CTNNA3: variants seen among roughly 807,000 people sequenced by gnomAD.
CTNNA3 encodes the protein catenin alpha-3.
CTNNA3 carries 76 observed loss-of-function variants against 95.7 expected under a neutral mutation model. The ratio of observed to expected loss-of-function variants is 0.79; its 90% CI spans 0.66 to 0.96. The LOEUF (loss-of-function observed/expected upper bound fraction) is 0.96. Among genes scored for constraint, CTNNA3 ranks in the 40% least tolerant of loss-of-function variants. The pLI is 0.00. For synonymous variants in CTNNA3, 431 were observed against 374.4 expected (o/e 1.15, Z -1.74); for missense variants, 1,191 against 1,089.8 (o/e 1.09, Z -1.31).
At chr10:66,516,440 G>T (rs368792737) in intron 11 of CTNNA3, among the ~76,000 whole-genome samples, 32 of 152,182 alleles carry the variant, frequency 2.1e-4, no homozygotes, top group African/African-American at 7.0e-4. Flanking sequence ...TAGTAATAAA[G>T]GTTAAATTGT....
intron 7 of CTNNA3, among the ~76,000 whole-genome samples, chr10:66,820,910 G>T (rs1039573594): frequency 2.6e-5 from 4 of 151,912 alleles, no homozygotes; most frequent in African/African-American, 9.7e-5. Flanking sequence ...AGCTCCCTCT[G>T]GTATATACAA....
At chr10:67,344,855 T>C (rs1043314948) in intron 5 of CTNNA3, among the ~76,000 whole-genome samples, 3 of 152,016 alleles carry the variant, frequency 2.0e-5, no homozygotes, top group Non-Finnish European at 4.4e-5. Context: ...TCTGCTCTAA[T>C]CTTTATTTAT....
chr10:66,036,319 C>G (rs948633737), intron 15 of CTNNA3, among the ~76,000 whole-genome samples: 2 of 152,148 alleles, frequency 1.3e-5, no homozygotes, highest in African/African-American at 4.8e-5. Flanking sequence ...CAGTAAGTCT[C>G]TAGACGGCGA....
At chr10:66,288,512 G>A (rs937884776) in intron 12 of CTNNA3, among the ~76,000 whole-genome samples, 1 of 152,054 alleles carries the variant, frequency 6.6e-6, no homozygotes, top group Non-Finnish European at 1.5e-5. Flanking sequence ...TTCTAAAGTT[G>A]TGTTGTTTAA....
intron 5 of CTNNA3, among the ~76,000 whole-genome samples, chr10:67,368,922 G>T (rs1843313643): frequency 6.6e-6 from 1 of 152,100 alleles, no homozygotes; most frequent in Non-Finnish European, 1.5e-5. Flanking sequence ...TTTAGGGAGA[G>T]ATTGGTACAT....
At chr10:66,241,467 T>G (rs2090102600) in intron 13 of CTNNA3, among the ~76,000 whole-genome samples, 1 of 152,174 alleles carries the variant, frequency 6.6e-6, no homozygotes, top group Admixed American at 6.6e-5. Context: ...TCAAATGGTC[T>G]TACAACATAT....
chr10:65,915,192 T>C lies in CTNNA3; in HGVS notation c.*5138A>G, dbSNP rs928213782. On this transcript the variant is annotated 3_prime_UTR_variant, in exon 18 of 18. Transcript: ENST00000433211. ...AGATTGGCTCTAATATTGGGAAGAA[T>C]TTCACCTACCATCAGTCAGGAGAAT... is the stretch of plus-strand genomic sequence containing the variant. 6 of 152,076 alleles carry C rather than the reference T, an allele frequency of 3.9e-5. No homozygotes were observed. The highest frequency in any genetic ancestry group is 7.4e-5 in the Non-Finnish European group (5 of 68,008). The allele number at this position is 152,076 out of a possible 1,614,324, so 9.4% of individuals were successfully genotyped here.
chr10:67,584,894 C>T (rs970534026), intron 3 of CTNNA3, among the ~76,000 whole-genome samples: 1 of 152,210 alleles, frequency 6.6e-6, no homozygotes, highest in Non-Finnish European at 1.5e-5. Context: ...TCCTGGTGTG[C>T]CGTTTGCTAA....
intron 8 of CTNNA3, among the ~76,000 whole-genome samples, chr10:66,770,014 A>C (rs1362342861): frequency 1.3e-5 from 2 of 152,164 alleles, no homozygotes; most frequent in Non-Finnish European, 1.5e-5. Flanking sequence ...TCATGCACCA[A>C]GTAAGAGACT....
In CTNNA3 at chr10:66,458,061, G is replaced by C. The variant is rs1364179890; in HGVS notation, c.1531+62556C>G. Among the ~76,000 whole-genome samples, 3 of 152,172 alleles carry C rather than the reference G, an allele frequency of 2.0e-5. No individual in the cohort carries two copies. The East Asian group carries it at 5.8e-4, about 29-fold the overall frequency. The stretch of plus-strand genomic sequence containing the variant: ...AAGCCTTGGCCAAATAGCCTCTCTA[G>C]AGACATGCAGGGAAGATGTTTATCA... On this transcript the variant is annotated intron_variant, in intron 11 of 17. Transcript: ENST00000433211.
At chr10:66,989,156 G>A (rs1342266864) in intron 7 of CTNNA3, among the ~76,000 whole-genome samples, 1 of 152,074 alleles carries the variant, frequency 6.6e-6, no homozygotes, top group Non-Finnish European at 1.5e-5. Context: ...ATCCGACTTG[G>A]AGTAAAATCT....
At chr10:66,225,390 A>AATATATATAT (rs3053735) in intron 13 of CTNNA3, among the ~76,000 whole-genome samples, 2,517 of 125,780 alleles carry the variant, frequency 0.02, 61 homozygotes, top group African/African-American at 0.042. Flanking sequence ...ATTTTATTCA[A>AATATATATAT]ATATATATAT....
intron 13 of CTNNA3, among the ~76,000 whole-genome samples, chr10:66,211,568 G>A (rs1000586251): frequency 2.0e-5 from 3 of 152,148 alleles, no homozygotes; most frequent in East Asian, 3.8e-4. Context: ...AGTGAGTACC[G>A]AGTACAAGCC....
chr10:66,269,461 G>C (rs1443119628), intron 13 of CTNNA3, among the ~76,000 whole-genome samples: 1 of 152,034 alleles, frequency 6.6e-6, no homozygotes, highest in Non-Finnish European at 1.5e-5. Flanking sequence ...ATATTTTTTA[G>C]TAAACAGACC....
At chr10:66,621,518 G>T (rs1224135698) in intron 10 of CTNNA3, among the ~76,000 whole-genome samples, 174 bp downstream of exon 10, 1 of 151,448 alleles carries the variant, frequency 6.6e-6, no homozygotes, top group Non-Finnish European at 1.5e-5. Flanking sequence ...CAGCTACTCA[G>T]GAAGCAGAAG....
intron 5 of CTNNA3, among the ~76,000 whole-genome samples, chr10:67,323,031 G>A (rs930962274): frequency 1.4e-4 from 21 of 152,088 alleles, no homozygotes; most frequent in African/African-American, 4.8e-4. Context: ...TTTGCAAAAT[G>A]TCTGTTCATG....
At chr10:66,746,521 A>G (rs1838880209) in intron 9 of CTNNA3, among the ~76,000 whole-genome samples, 1 of 152,180 alleles carries the variant, frequency 6.6e-6, no homozygotes, top group Admixed American at 6.5e-5. Flanking sequence ...TATTATTTGC[A>G]TAGCATTTTT....
intron 7 of CTNNA3, among the ~76,000 whole-genome samples, chr10:67,169,195 T>C (rs1861910057): frequency 6.6e-6 from 1 of 152,150 alleles, no homozygotes; most frequent in African/African-American, 2.4e-5. Flanking sequence ...TCAGTATCAT[T>C]AAAATGGCCA....
chr10:65,979,357 A>G (rs950003357), intron 16 of CTNNA3, among the ~76,000 whole-genome samples: 10 of 152,150 alleles, frequency 6.6e-5, no homozygotes, highest in Non-Finnish European at 1.3e-4. Flanking sequence ...CTCAGAAGAA[A>G]TGAGTGTCCT....
Sources: gnomAD v4.1 joint callset for allele counts (sites outside exome capture counted in the v4.1 genomes callset) on GRCh38, gnomAD v4.1.1 for gene constraint, MANE v1.5 for transcripts, NCBI Gene and HGNC (gene_info 2026-07-23, HGNC 2026-07-21) for gene names.